Variants in PLEKHG1 observed in about 807,000 individuals in gnomAD.
PLEKHG1 encodes the protein pleckstrin homology and RhoGEF domain containing G1, also known as pleckstrin homology domain-containing family G member 1.
Under a neutral mutation model 100.8 loss-of-function variants are expected in PLEKHG1, and 44 were observed. The ratio of observed to expected loss-of-function variants is 0.44; its 90% CI spans 0.34 to 0.56. The LOEUF (loss-of-function observed/expected upper bound fraction) is 0.56, where lower values mean the gene tolerates loss of function less well. Among genes scored for constraint, PLEKHG1 ranks in the 20% least tolerant of loss-of-function variants. The pLI, the probability that PLEKHG1 is intolerant of heterozygous loss-of-function variation, is 0.01. For missense variants in PLEKHG1, 1,545 were observed against 1,720.9 expected (o/e 0.90, Z 1.81); for synonymous variants, 640 against 662.5 (o/e 0.97, Z 0.52).
At chr6:150,716,998 T>TA (rs1781470379), upstream of PLEKHG1, among the ~76,000 whole-genome samples, 1 of 152,024 alleles carries the variant, frequency 6.6e-6, no homozygotes, top group Non-Finnish European at 1.5e-5. Context: ...ACTATGGACA[T>TA]ACACCACCCT....
chr6:150,784,393 C>G (rs1415796036), intron 3 of PLEKHG1, among the ~76,000 whole-genome samples: 1 of 152,186 alleles, frequency 6.6e-6, no homozygotes, highest in African/African-American at 2.4e-5. Flanking sequence ...GAGAAAATTA[C>G]TTCCAACCAA....
intron 3 of PLEKHG1, among the ~76,000 whole-genome samples, chr6:150,670,225 T>G (rs1422012588): frequency 6.6e-6 from 1 of 152,218 alleles, no homozygotes; most frequent in Non-Finnish European, 1.5e-5. Flanking sequence ...ATCAGTAACA[T>G]TGTGGGTTTT....
exon 16 of PLEKHG1, chr6:150,839,931 T>C (rs1456664531): frequency 6.2e-7 from 1 of 1,613,468 alleles, no homozygotes; most frequent in Admixed American, 1.7e-5. Flanking sequence ...CCCTCAAGAA[T>C]CCTCCCTCCT....
intron 1 of PLEKHG1, among the ~76,000 whole-genome samples, chr6:150,613,132 A>G (rs1191165870): frequency 1.3e-5 from 2 of 151,682 alleles, no homozygotes; most frequent in African/African-American, 2.4e-5. Flanking sequence ...GTTCCTGAGT[A>G]CTCCAAACAA....
At chr6:150,812,028 C>A (rs1362605453) in intron 10 of PLEKHG1, among the ~76,000 whole-genome samples, 2 of 152,140 alleles carry the variant, frequency 1.3e-5, no homozygotes, top group African/African-American at 2.4e-5. Context: ...GCCACTGAGG[C>A]AGGAGGCAGG....
chr6:150,795,362 C>CTCCA lies in PLEKHG1; in HGVS notation c.583-493_583-490dup, dbSNP rs1231283089. Among the ~76,000 whole-genome samples, 26 of 150,082 alleles carry CTCCA rather than the reference C, an allele frequency of 1.7e-4. No homozygotes were observed. The East Asian group carries it at 4.7e-3, about 27-fold the overall frequency. ...AGTGAGCAGAGATTGTGCCACTGCA[C>CTCCA]TCCAGCCTAGGCGACAGAGCGAGAT... On this transcript the variant is annotated intron_variant, in intron 4 of 15. Coordinates refer to ENST00000358517, the Ensembl canonical transcript of PLEKHG1.
chr6:150,731,136 G>A (rs904992826), intron 1 of PLEKHG1, among the ~76,000 whole-genome samples: 2 of 152,186 alleles, frequency 1.3e-5, no homozygotes, highest in Admixed American at 6.5e-5. Flanking sequence ...ACGTGAGTAA[G>A]CATCCTTTGC....
rs1444999632 is a variant in PLEKHG1, at chr6:150,809,579, C to T, written c.1192-69C>T. The T allele has an allele frequency of 2.0e-5, 30 of 1,502,820 alleles. No individual in the cohort carries two copies. The East Asian group carries it at 4.7e-4, about 24-fold the overall frequency. The allele number at this position is 1,502,820 out of a possible 1,614,324, so 93.1% of individuals were successfully genotyped here. A position where few individuals can be genotyped will look rare whatever the true frequency, so the allele number is the denominator to read the frequency against. ...AGCGTTCTGGCCACATGGTCATTTC[C>T]CATCTCATCAGAGGGTCCTGTGGGT... On this transcript the variant is annotated intron_variant, in intron 9 of 15. Transcript: ENST00000358517.
intron 2 of PLEKHG1, among the ~76,000 whole-genome samples, chr6:150,760,936 G>A (rs544695042): frequency 7.2e-5 from 11 of 152,084 alleles, no homozygotes; most frequent in African/African-American, 4.8e-5. Context: ...TTGTTATACC[G>A]AAAGGTAATA....
chr6:150,667,720 A>G (rs1249708686), intron 3 of PLEKHG1, among the ~76,000 whole-genome samples: 1 of 152,180 alleles, frequency 6.6e-6, no homozygotes, highest in African/African-American at 2.4e-5. Flanking sequence ...CACACCCTCT[A>G]TGCTGCTAGA....
At chr6:150,785,655 T>C (rs944590617) in intron 3 of PLEKHG1, among the ~76,000 whole-genome samples, 1 of 152,152 alleles carries the variant, frequency 6.6e-6, no homozygotes, top group Non-Finnish European at 1.5e-5. Flanking sequence ...TTTCATTGAA[T>C]GCTTGACTCT....
At chr6:150,776,465 CTG>C (rs1168692223) in intron 3 of PLEKHG1, among the ~76,000 whole-genome samples, 2 of 134,154 alleles carry the variant, frequency 1.5e-5, no homozygotes, top group South Asian at 2.3e-4. Flanking sequence ...ATTACTCACA[CTG>C]ATGCAATCCT....
At chr6:150,795,964 G>A in intron 5 of PLEKHG1, 62 bp downstream of exon 6, 1 of 1,024,596 alleles carries the variant, frequency 9.8e-7, no homozygotes, top group East Asian at 2.4e-5. Context: ...CAAGTCAGCT[G>A]GTGCAGTACA....
At chr6:150,706,072 G>A (rs761466333) in intron 3 of PLEKHG1, among the ~76,000 whole-genome samples, 31 of 152,070 alleles carry the variant, frequency 2.0e-4, no homozygotes, top group Admixed American at 7.9e-4. Context: ...CTTCACTCCT[G>A]TCCTATTATT....
rs989586391 is a variant in PLEKHG1 at position 150,790,002 on chromosome 6, G to A, written c.582+3543G>A. The stretch of plus-strand genomic sequence containing the variant: ...GCTGGTGGGTCTTATACTTCTTCAG[G>A]AGAAGCTAGAAATTGAAATATTTTT... On this transcript the variant is annotated intron_variant, in intron 4 of 15. Transcript: ENST00000358517. 8.0e-5 allele frequency among the ~76,000 whole-genome samples: 12 copies of A among 150,536 alleles called. No individual in the cohort carries two copies. The East Asian group carries it at 2.4e-3, about 30-fold the overall frequency.
At chr6:150,824,320 G>T (rs1776468987) in intron 14 of PLEKHG1, among the ~76,000 whole-genome samples, 2 of 152,138 alleles carry the variant, frequency 1.3e-5, no homozygotes, top group Non-Finnish European at 2.9e-5. Context: ...TGTGGCTACT[G>T]ATCAGTTGGC....
chr6:150,701,417 TTATATATATATATATATATATATATA>T (rs56982419), intron 3 of PLEKHG1, among the ~76,000 whole-genome samples: 1,828 of 31,182 alleles, frequency 0.059, 124 homozygotes, highest in South Asian at 0.12. Flanking sequence ...CAGTAATTCT[TTATATATATATATATATATATATATA>T]TATATATATA....
intron 2 of PLEKHG1, among the ~76,000 whole-genome samples, chr6:150,746,884 G>A (rs1783193831): frequency 6.6e-6 from 1 of 152,190 alleles, no homozygotes; most frequent in African/African-American, 2.4e-5. Context: ...AACTAGGTGA[G>A]TTCAGTTCAT....
intron 1 of PLEKHG1, among the ~76,000 whole-genome samples, chr6:150,602,526 CAT>C (rs776780255): frequency 3.3e-5 from 5 of 152,138 alleles, no homozygotes; most frequent in Non-Finnish European, 7.3e-5. Flanking sequence ...AAGTAAAAAT[CAT>C]AGTTGGTGTC....
Sources: allele counts gnomAD v4.1 joint callset (sites outside exome capture counted in the v4.1 genomes callset), GRCh38; gene constraint gnomAD v4.1.1; transcripts MANE v1.5; gene names NCBI Gene and HGNC (gene_info 2026-07-23, HGNC 2026-07-21).